Variants in TENM2 observed in about 807,000 individuals in gnomAD.
TENM2 encodes the protein teneurin transmembrane protein 2, also known as teneurin-2.
In TENM2, 52 loss-of-function variants were observed where a neutral mutation model predicts 245.2. The ratio of observed to expected loss-of-function variants is 0.21; its 90% CI spans 0.17 to 0.27. The LOEUF is 0.27. Among genes scored for constraint, TENM2 ranks in the 10% least tolerant of loss-of-function variants. The pLI is 1.00. For missense variants in TENM2, 3,046 were observed against 3,666.8 expected, an observed-to-expected ratio of 0.83 and a Z score of 4.37; for synonymous variants, 1,363 against 1,438.9, an observed-to-expected ratio of 0.95 and a Z score of 1.19.
At chr5:168,155,105 G>A (rs748436074) in intron 12 of TENM2, among the ~76,000 whole-genome samples, 12 of 152,076 alleles carry the variant, frequency 7.9e-5, no homozygotes, top group Admixed American at 1.3e-4. Context: ...TTTGGCAGCC[G>A]GTCTTCCAAA....
At chr5:167,132,546 C>G in the TENM2 span, among the ~76,000 whole-genome samples, 3 of 152,004 alleles carry the variant, frequency 2.0e-5, no homozygotes, top group Non-Finnish European at 4.4e-5. Flanking sequence ...AGGCATGTTA[C>G]GCAAATAAAT....
intron 7 of TENM2, among the ~76,000 whole-genome samples, chr5:168,079,502 G>A (rs1032285412): frequency 2.6e-5 from 4 of 152,008 alleles, no homozygotes; most frequent in African/African-American, 4.8e-5. Context: ...CATCCCTGTC[G>A]TGTGCCAGTT....
chr5:167,556,193 T>C (rs1392029096), intron 2 of TENM2, among the ~76,000 whole-genome samples: 2 of 152,178 alleles, frequency 1.3e-5, no homozygotes, highest in African/African-American at 4.8e-5. Context: ...TTGATTTTCA[T>C]TGCTTAATTG....
the TENM2 span, among the ~76,000 whole-genome samples, chr5:167,084,926 C>T: frequency 6.6e-6 from 1 of 152,096 alleles, no homozygotes; most frequent in African/African-American, 2.4e-5. Context: ...TTCATGTTAC[C>T]TATGATGCCT....
intron 13 of TENM2, among the ~76,000 whole-genome samples, chr5:168,188,688 A>C (rs1244737442): frequency 1.3e-5 from 2 of 152,220 alleles, no homozygotes; most frequent in Admixed American, 1.3e-4. Flanking sequence ...CTACTATAAG[A>C]AAGTTGGCAT....
At chr5:167,620,632 A>C (rs1442879114) in intron 2 of TENM2, among the ~76,000 whole-genome samples, 1 of 141,630 alleles carries the variant, frequency 7.1e-6, no homozygotes, top group Non-Finnish European at 1.5e-5. Context: ...ATATCAATTC[A>C]GCTTTGCCTC....
chr5:167,584,353 A>G (rs1775326468), intron 2 of TENM2, among the ~76,000 whole-genome samples: 1 of 152,204 alleles, frequency 6.6e-6, no homozygotes, highest in Non-Finnish European at 1.5e-5. Flanking sequence ...GTAAATGAAG[A>G]CTTGGCCAAC....
the TENM2 span, among the ~76,000 whole-genome samples, chr5:166,983,067 G>C: frequency 6.6e-6 from 1 of 151,952 alleles, no homozygotes; most frequent in African/African-American, 2.4e-5. Flanking sequence ...ATTATTTTGG[G>C]TTGTTTTCTC....
chr5:168,260,227 T>C, intron 27 of TENM2, 56 bp from the exon 30 acceptor site: 1 of 1,600,952 alleles, frequency 6.2e-7, no homozygotes, highest in Non-Finnish European at 8.6e-7. Context: ...TAAGCTCTGC[T>C]GCTGCTCTCC....
chr5:168,072,082 T>A (rs186458349), intron 7 of TENM2, among the ~76,000 whole-genome samples: 47 of 152,196 alleles, frequency 3.1e-4, no homozygotes, highest in Non-Finnish European at 6.0e-4. Context: ...ATGTTTGATA[T>A]ATTTTCACAG....
Position 168,247,585 on chromosome 5 carries a change from G to A in TENM2, c.6646G>A (p.Val2216Ile), listed in dbSNP as rs1419780807. The A allele has an allele frequency of 1.9e-5, 31 of 1,612,822 alleles. No individual in the cohort carries two copies. Among genetic ancestry groups the A allele is most frequent in the Middle Eastern group, 1.6e-4 (1 of 6,084 alleles). Reference sequence around the variant, plus strand: ...GGACGGGCAGCTCCAGAGCGTGGCCGTCAATGACCGCCCGACCTGGCGCTA... The same window carrying A: ...GGACGGGCAGCTCCAGAGCGTGGCCATCAATGACCGCCCGACCTGGCGCTA... The change falls in exon 27 of 29, where the codon GTC becomes ATC. Residue 2216 changes from valine to isoleucine, a missense_variant. Val to Ile is a conservative substitution (Grantham distance 29). Coordinates refer to ENST00000518659, the Ensembl canonical transcript of TENM2. This position sits in a 1 kb window ranked among gnomAD's most constrained non-coding sequence, Gnocchi z 7.8.
At position 168,059,722 on chromosome 5, in the gene TENM2, T is replaced by A. The variant is rs1444487731; in HGVS notation, c.1310-2338T>A. Reference sequence around the variant, plus strand: ...GTTTCCAGTTTATAGTAATGAGAGCTCCTGATCAACTTGTTGTGATAACAA... The same window carrying A: ...GTTTCCAGTTTATAGTAATGAGAGCACCTGATCAACTTGTTGTGATAACAA... On this transcript the variant is annotated intron_variant, in intron 6 of 28. Coordinates refer to ENST00000518659, the Ensembl canonical transcript of TENM2. Among the ~76,000 whole-genome samples the A allele has an allele frequency of 3.9e-5, 6 of 152,274 alleles. No individual in the cohort carries two copies. In the East Asian group the frequency reaches 1.2e-3, roughly 29 times the overall value.
the TENM2 span, among the ~76,000 whole-genome samples, chr5:167,238,009 C>CAAAAAAAAAAAAAAA: frequency 2.3e-5 from 1 of 44,114 alleles, no homozygotes; most frequent in Non-Finnish European, 4.3e-5. Context: ...GACTCTGTCT[C>CAAAAAAAAAAAAAAA]AAAAAAAAAA....
chr5:167,106,019 T>G, the TENM2 span, among the ~76,000 whole-genome samples: 5 of 149,416 alleles, frequency 3.3e-5, no homozygotes, highest in Admixed American at 3.3e-4. Flanking sequence ...ATCGACAGAG[T>G]TTTTTTTTCA....
intron 2 of TENM2, among the ~76,000 whole-genome samples, chr5:167,611,968 T>C (rs1018859608): frequency 6.6e-6 from 1 of 152,180 alleles, no homozygotes; most frequent in Non-Finnish European, 1.5e-5. Flanking sequence ...TTTTATATCA[T>C]GTTCCAAATA....
At chr5:167,436,964 A>T (rs1764596899) in intron 2 of TENM2, among the ~76,000 whole-genome samples, 1 of 152,198 alleles carries the variant, frequency 6.6e-6, no homozygotes, top group Non-Finnish European at 1.5e-5. Flanking sequence ...CCTCACGGAG[A>T]ACCTCTGCTA....
intron 2 of TENM2, among the ~76,000 whole-genome samples, chr5:167,422,680 T>G (rs903534143): frequency 2.0e-5 from 3 of 152,206 alleles, no homozygotes; most frequent in Non-Finnish European, 2.9e-5. Context: ...ATTTGATGTC[T>G]ATTTCCAAAA....
intron 1 of TENM2, among the ~76,000 whole-genome samples, chr5:167,298,582 C>G (rs997703169): frequency 2.6e-5 from 4 of 152,046 alleles, no homozygotes; most frequent in Non-Finnish European, 2.9e-5. Flanking sequence ...CCAGCCTGGG[C>G]GACAGCGAGA....
chr5:167,092,820 G>T, the TENM2 span, among the ~76,000 whole-genome samples: 65 of 152,250 alleles, frequency 4.3e-4, no homozygotes, highest in African/African-American at 1.5e-3. Flanking sequence ...CTAGAAAAAT[G>T]AACAAAAGAA....
Sources: gnomAD v4.1 joint callset for allele counts (sites outside exome capture counted in the v4.1 genomes callset) on GRCh38, gnomAD v4.1.1 for gene constraint, Gnocchi (gnomAD v3.1) non-coding constraint, MANE v1.5 for transcripts, NCBI Gene and HGNC (gene_info 2026-07-23, HGNC 2026-07-21) for gene names.